The following CCDC141 variants were observed in gnomAD, a reference collection of about 807,000 sequenced individuals.
CCDC141 encodes the protein coiled-coil domain containing 141.
A neutral mutation model predicts 181.0 loss-of-function variants in CCDC141; 168 were observed. The observed-to-expected ratio is 0.93, with a 90% CI of 0.82 to 1.05. CCDC141 has a LOEUF of 1.05. Ranked by LOEUF, CCDC141 falls within the 50% of genes least tolerant of loss-of-function variation. CCDC141 has a pLI of 0.00. For missense variants in CCDC141, 1,902 were observed against 1,788.5 expected, an observed-to-expected ratio of 1.06 and a Z score of -1.14; for synonymous variants, 666 against 642.3, an observed-to-expected ratio of 1.04 and a Z score of -0.56.
At chr2:178,954,929 G>T (rs1326147338) in intron 5 of CCDC141, among the ~76,000 whole-genome samples, 1 of 152,080 alleles carries the variant, frequency 6.6e-6, no homozygotes, top group East Asian at 1.9e-4. Context: ...CTAACTGAGT[G>T]ACACTCAGCT....
At chr2:179,031,143 T>C (rs1291008274) in intron 2 of CCDC141, among the ~76,000 whole-genome samples, 1 of 151,892 alleles carries the variant, frequency 6.6e-6, no homozygotes, top group African/African-American at 2.4e-5. Flanking sequence ...GATTAGATGC[T>C]AAGAGATAAT....
chr2:178,984,098 C>G (rs543532334), intron 2 of CCDC141, among the ~76,000 whole-genome samples: 11 of 152,274 alleles, frequency 7.2e-5, no homozygotes, highest in Non-Finnish European at 1.3e-4. Flanking sequence ...GGAAGCCCAT[C>G]AGACTAACAG....
At chr2:178,992,641 A>T (rs1220081774) in intron 2 of CCDC141, among the ~76,000 whole-genome samples, 1 of 152,200 alleles carries the variant, frequency 6.6e-6, no homozygotes, top group Non-Finnish European at 1.5e-5. Flanking sequence ...ATTTCTGAGT[A>T]GAAGTATTAA....
At chr2:178,995,276 G>A (rs1386083608) in intron 2 of CCDC141, among the ~76,000 whole-genome samples, 1 of 152,200 alleles carries the variant, frequency 6.6e-6, no homozygotes. Context: ...CAGAAGGCAA[G>A]GAGGACCAAG....
intron 2 of CCDC141, among the ~76,000 whole-genome samples, chr2:179,041,003 T>C (rs1212424436): frequency 3.3e-5 from 5 of 152,216 alleles, no homozygotes; most frequent in African/African-American, 4.8e-5. Flanking sequence ...TTTACACTCC[T>C]ACCAGCATGG....
At chr2:179,025,451 GCTCT>G (rs1174563276) in intron 2 of CCDC141, among the ~76,000 whole-genome samples, 1 of 151,992 alleles carries the variant, frequency 6.6e-6, no homozygotes, top group Non-Finnish European at 1.5e-5. Flanking sequence ...CCCTGCATAA[GCTCT>G]CTCTCTCTTC....
At chr2:179,006,569 C>A (rs2042128515) in intron 2 of CCDC141, among the ~76,000 whole-genome samples, 1 of 152,090 alleles carries the variant, frequency 6.6e-6, no homozygotes, top group African/African-American at 2.4e-5. Flanking sequence ...GAGTATTTAC[C>A]ATTTGCAAGG....
In CCDC141 at chr2:178,865,779, G is replaced by C. The variant is rs142544322; in HGVS notation, c.2712C>G (p.Asp904Glu). ...CTCCCACACCCACCTCATTTATCTC[G>C]TCTCTCATGGCGCAGTACTCCACAC... Reference protein sequence around the residue: ...SRSVEYCAMRDEINELKDSFK... With the variant: ...SRSVEYCAMREEINELKDSFK... The change falls in exon 17 of 24, where the codon GAC becomes GAG. Residue 904 changes from aspartate (D) to glutamate (E), a missense_variant. Transcript: ENST00000443758. The C allele has an allele frequency of 2.7e-5, 41 of 1,540,976 alleles. No individual in the cohort carries two copies. Among genetic ancestry groups the C allele is most frequent in the Non-Finnish European group, 3.4e-5 (39 of 1,145,326 alleles).
chr2:178,902,284 G>A (rs1298007207), intron 8 of CCDC141, among the ~76,000 whole-genome samples: 2 of 152,080 alleles, frequency 1.3e-5, no homozygotes, highest in African/African-American at 4.8e-5. Context: ...ACAAAAAAGA[G>A]CCTGCATCGC....
At chr2:178,960,534 A>G (rs10497528) in intron 5 of CCDC141, among the ~76,000 whole-genome samples, 79,252 of 151,966 alleles carry the variant, frequency 0.52, 21,730 homozygotes, top group East Asian at 0.84. Flanking sequence ...TGGAATTAAG[A>G]CAATCAGAAT....
Position 178,837,253 on chromosome 2 carries a change from G to C in CCDC141, c.3966C>G (p.Ser1322Arg), listed in dbSNP as rs757632895. ...CTCTCTCATGCACTTCACTCATCATGCTCTCTGGATGTTCAGCACTGATTC... is the reference window on the plus strand; with the variant it reads ...CTCTCTCATGCACTTCACTCATCATCCTCTCTGGATGTTCAGCACTGATTC... The part of the protein sequence containing the change: ...LHRISAEHPE[S>R]MMSEVHERAL... The change falls in exon 23 of 24, where the codon AGC (serine) becomes AGG (arginine). Residue 1322 changes from serine to arginine, a missense_variant. Transcript: ENST00000443758. 1 of 1,614,060 alleles carries C rather than the reference G, an allele frequency of 6.2e-7. No individual in the cohort carries two copies. The highest frequency in any genetic ancestry group is 2.2e-5 in the East Asian group (1 of 44,862).
At chr2:179,028,168 T>G (rs2042907898) in intron 2 of CCDC141, among the ~76,000 whole-genome samples, 1 of 152,194 alleles carries the variant, frequency 6.6e-6, no homozygotes, top group South Asian at 2.1e-4. Flanking sequence ...CTTACATTCC[T>G]CCTGTTTTTG....
chr2:178,961,935 G>A (rs991248315), intron 4 of CCDC141, among the ~76,000 whole-genome samples: 3 of 152,138 alleles, frequency 2.0e-5, no homozygotes, highest in Admixed American at 1.3e-4. Flanking sequence ...ATGACAAAGT[G>A]GAAAATGCTT....
At chr2:178,818,096 C>T in the CCDC141 span, among the ~76,000 whole-genome samples, 4 of 152,150 alleles carry the variant, frequency 2.6e-5, no homozygotes, top group Non-Finnish European at 4.4e-5. Context: ...AGCCACCGCA[C>T]CTGGCCCACA....
At chr2:178,918,685 A>C in intron 7 of CCDC141, 28 bp downstream of exon 7, 1 of 1,538,980 alleles carries the variant, frequency 6.5e-7, no homozygotes, top group Non-Finnish European at 8.8e-7. Context: ...CTGATTACCG[A>C]AAATTATCAA....
chr2:178,848,603 T>A (rs144200737), intron 21 of CCDC141, among the ~76,000 whole-genome samples: 111 of 152,210 alleles, frequency 7.3e-4, no homozygotes, highest in Non-Finnish European at 1.2e-3. Flanking sequence ...AGGTAAAAGC[T>A]GGAAAGGGAT....
intron 2 of CCDC141, among the ~76,000 whole-genome samples, chr2:179,033,966 A>G (rs1039053731): frequency 7.2e-5 from 11 of 152,164 alleles, no homozygotes; most frequent in African/African-American, 2.7e-4. Context: ...AAAAAGCATA[A>G]ATTACTAATT....
chr2:178,838,711 T>C (rs150810033), intron 22 of CCDC141, among the ~76,000 whole-genome samples: 266 of 152,270 alleles, frequency 1.7e-3, no homozygotes, highest in African/African-American at 6.1e-3. Flanking sequence ...TGATGGCCTT[T>C]CCCAAGAGAG....
downstream of CCDC141, among the ~76,000 whole-genome samples, chr2:178,826,191 A>T (rs1427383535): frequency 6.6e-6 from 1 of 152,188 alleles, no homozygotes; most frequent in African/African-American, 2.4e-5. Context: ...ACATAATTAC[A>T]TTATTTTTCT....
Sources: allele counts gnomAD v4.1 joint callset (sites outside exome capture counted in the v4.1 genomes callset), GRCh38; gene constraint gnomAD v4.1.1; transcripts MANE v1.5; gene names NCBI Gene and HGNC (gene_info 2026-07-23, HGNC 2026-07-21).